Variants in ACYP2 observed in about 807,000 individuals in gnomAD.
ACYP2 encodes acylphosphatase-2.
A neutral mutation model predicts 11.2 loss-of-function variants in ACYP2; 12 were observed. That is an observed-to-expected ratio of 1.08 (90% CI 0.69 to 1.74). ACYP2 has a LOEUF of 1.74. Among genes scored for constraint, ACYP2 ranks in the 40% most tolerant of loss-of-function variants. ACYP2 has a pLI of 0.00. For synonymous variants in ACYP2, 43 were observed against 32.2 expected, an observed-to-expected ratio of 1.33 and a Z score of -1.13; for missense variants, 134 against 101.9, an observed-to-expected ratio of 1.31 and a Z score of -1.35.
intron 1 of ACYP2, among the ~76,000 whole-genome samples, chr2:53,971,609 G>A (rs990790254): frequency 1.3e-5 from 2 of 152,122 alleles, no homozygotes; most frequent in Non-Finnish European, 2.9e-5. Flanking sequence ...CCTGGTTTCC[G>A]CCCTCCCAAG....
At position 54,064,030 on chromosome 2, in the gene ACYP2, T is replaced by G. The variant is rs565120093; in HGVS notation, c.277+6670T>G. Among the ~76,000 whole-genome samples, 45 of 152,366 alleles carry G rather than the reference T, an allele frequency of 3.0e-4. No homozygotes were observed. In the East Asian group the frequency reaches 7.3e-3, roughly 25 times the overall value. Reference sequence around the variant, plus strand: ...TTTTCTTTTCCTCTCTTTTTCTTTTTTGAGACGGGGTCTCGCTATTGTTGC... The same window carrying G: ...TTTTCTTTTCCTCTCTTTTTCTTTTGTGAGACGGGGTCTCGCTATTGTTGC... On this transcript the variant is annotated intron_variant, in intron 4 of 6. Transcript: ENST00000607452.
chr2:54,267,457 G>C (rs912313638), intron 6 of ACYP2: 1 of 1,203,358 alleles, frequency 8.3e-7, no homozygotes, highest in Non-Finnish European at 1.1e-6. Context: ...GGGAGCTGGG[G>C]GAAGAGTGGT....
chr2:54,019,540 A>G (rs1421579765), intron 2 of ACYP2, among the ~76,000 whole-genome samples: 1 of 151,926 alleles, frequency 6.6e-6, no homozygotes, highest in Non-Finnish European at 1.5e-5. Flanking sequence ...GGCTCAAGCA[A>G]TTCACCTACC....
chr2:54,140,407 G>A (rs1028841181), intron 6 of ACYP2, among the ~76,000 whole-genome samples: 6 of 151,976 alleles, frequency 3.9e-5, no homozygotes, highest in African/African-American at 1.2e-4. Flanking sequence ...AAATGAAATC[G>A]TATCATACAC....
In ACYP2 at chr2:53,971,159, G is replaced by T. The variant is rs966018745; in HGVS notation, c.-199G>T. 1.6e-5 allele frequency: 3 copies of T among 191,384 alleles called. No individual in the cohort carries two copies. Among genetic ancestry groups the T allele is most frequent in the Non-Finnish European group, 3.2e-5 (3 of 94,618 alleles). The allele number at this position is 191,384 out of a possible 1,614,324, so 11.9% of individuals were successfully genotyped here. ...ACGGGCTGCGCCTTCTTCGCCGTGGGCCCGGCTCGGAGCCCCCACCCCAGG... is the reference window on the plus strand; with the variant it reads ...ACGGGCTGCGCCTTCTTCGCCGTGGTCCCGGCTCGGAGCCCCCACCCCAGG... On this transcript the variant is annotated 5_prime_UTR_variant, in exon 1 of 7. Coordinates refer to ENST00000607452, the MANE Select transcript of ACYP2 (RefSeq NM_001320586.2).
rs1227772652 is a variant in ACYP2, at chr2:54,305,216, TA to T, written c.*417del. 3.3e-5 allele frequency: 5 copies of T among 153,096 alleles called. No individual in the cohort carries two copies. Among genetic ancestry groups the T allele is most frequent in the Admixed American group, 3.3e-4 (5 of 15,360 alleles). 9.5% of individuals were successfully genotyped at this position (153,096 alleles called of 1,614,324 possible). A position where few individuals can be genotyped will look rare whatever the true frequency, so the allele number is the denominator to read the frequency against. The stretch of plus-strand genomic sequence containing the variant: ...ATTTGTTACTACGGTTATTTGTTAT[TA>T]AACTCTTCAAAAAGAACCAGTGATT... On this transcript the variant is annotated 3_prime_UTR_variant, in exon 7 of 7. Transcript: ENST00000607452.
chr2:53,981,615 G>T (rs1337901652), intron 2 of ACYP2, among the ~76,000 whole-genome samples: 1 of 152,200 alleles, frequency 6.6e-6, no homozygotes, highest in Non-Finnish European at 1.5e-5. Flanking sequence ...GGGGAGGGGG[G>T]TTGCAAAGGG....
In ACYP2 at chr2:54,097,473, C is replaced by T. The variant is rs569469221; in HGVS notation, c.278-37980C>T. On this transcript the variant is annotated intron_variant, in intron 4 of 6. Coordinates refer to ENST00000607452, the MANE Select transcript of ACYP2 (RefSeq NM_001320586.2). Reference sequence around the variant, plus strand: ...CAAATCCTATCCCATTCCTCAGAGGCACCTGGTTACAAAAAATGACAATAA... The same window carrying T: ...CAAATCCTATCCCATTCCTCAGAGGTACCTGGTTACAAAAAATGACAATAA... Among the ~76,000 whole-genome samples the T allele has an allele frequency of 3.3e-5, 5 of 152,354 alleles. No individual in the cohort carries two copies. In the South Asian group the frequency reaches 1.0e-3, roughly 32 times the overall value.
rs146022764 is a variant in ACYP2, at chr2:54,222,599, G to A, written c.405-82089G>A. 9.5e-4 allele frequency among the ~76,000 whole-genome samples: 145 copies of A among 151,916 alleles called. 1 individual carries two copies. The Middle Eastern group carries it at 0.024, about 25-fold the overall frequency. ...AAACTGATTTACCTAACATTTGTTGGTGTGTTATCTCTAGTCATTTGCTAC... is the reference window on the plus strand; with the variant it reads ...AAACTGATTTACCTAACATTTGTTGATGTGTTATCTCTAGTCATTTGCTAC... On this transcript the variant is annotated intron_variant, in intron 6 of 6. Transcript: ENST00000607452.
intron 6 of ACYP2, among the ~76,000 whole-genome samples, chr2:54,146,961 A>C (rs1168000235): frequency 2.0e-5 from 3 of 151,374 alleles, no homozygotes; most frequent in East Asian, 3.9e-4. Flanking sequence ...CACCCAGCTA[A>C]TTTTTGTATT....
chr2:54,075,972 A>T (rs191420912), intron 4 of ACYP2, among the ~76,000 whole-genome samples: 1 of 152,144 alleles, frequency 6.6e-6, no homozygotes, highest in Non-Finnish European at 1.5e-5. Flanking sequence ...TTTGTAGCAG[A>T]TATTTCGAGT....
intron 6 of ACYP2, among the ~76,000 whole-genome samples, chr2:54,300,075 T>C (rs1477200355): frequency 6.6e-6 from 1 of 152,172 alleles, no homozygotes; most frequent in Non-Finnish European, 1.5e-5. Context: ...TGTGAATGCC[T>C]CTCCCTATCC....
intron 6 of ACYP2, among the ~76,000 whole-genome samples, chr2:54,244,686 C>A (rs1872329): frequency 0.15 from 22,242 of 151,870 alleles, 1,632 homozygotes; most frequent in African/African-American, 0.19. Flanking sequence ...GGAATTGTCC[C>A]CCTCATTTTA....
chr2:54,207,205 GTA>G (rs201479788), intron 6 of ACYP2, among the ~76,000 whole-genome samples: 1 of 150,564 alleles, frequency 6.6e-6, no homozygotes, highest in African/African-American at 2.5e-5. Flanking sequence ...GTGTGTGTGT[GTA>G]TAAAGAGAAT....
chr2:54,180,854 C>T (rs563218873), intron 6 of ACYP2, among the ~76,000 whole-genome samples: 1 of 152,226 alleles, frequency 6.6e-6, no homozygotes, highest in East Asian at 1.9e-4. Flanking sequence ...TGCGCCCAGC[C>T]CAAATATATA....
chr2:54,266,590 CTTTTTTTTTTTTTTTTTTT>C (rs138812389), intron 6 of ACYP2, among the ~76,000 whole-genome samples: 3 of 52,242 alleles, frequency 5.7e-5, no homozygotes, highest in African/African-American at 7.6e-5. Context: ...ATCTATCTAT[CTTTTTTTTTTTTTTTTTTT>C]TTTTTTTTTT....
chr2:54,022,959 T>G (rs1011912995), intron 2 of ACYP2, among the ~76,000 whole-genome samples: 2 of 152,254 alleles, frequency 1.3e-5, no homozygotes, highest in African/African-American at 2.4e-5. Context: ...CACACAGGTT[T>G]AACTGTTTCT....
At chr2:54,156,736 G>A (rs1254897796) in intron 6 of ACYP2, among the ~76,000 whole-genome samples, 2 of 151,900 alleles carry the variant, frequency 1.3e-5, no homozygotes, top group African/African-American at 4.8e-5. Flanking sequence ...TATGATCTCG[G>A]CTCACTGCAA....
intron 4 of ACYP2, among the ~76,000 whole-genome samples, chr2:54,094,780 C>T (rs181792444): frequency 6.7e-6 from 1 of 148,490 alleles, no homozygotes; most frequent in African/African-American, 2.5e-5. Context: ...TCAAGTGATC[C>T]GCCCACCTCA....
Sources: allele counts gnomAD v4.1 joint callset (sites outside exome capture counted in the v4.1 genomes callset), GRCh38; gene constraint gnomAD v4.1.1; transcripts MANE v1.5; gene names NCBI Gene and HGNC (gene_info 2026-07-23, HGNC 2026-07-21).